SETD2: variants seen among roughly 807,000 people sequenced by gnomAD.
The protein encoded by SETD2 is histone-lysine N-methyltransferase SETD2.
In SETD2, 31 loss-of-function variants were observed where a neutral mutation model predicts 242.1. The observed-to-expected ratio is 0.13, with a 90% confidence interval of 0.10 to 0.17. SETD2 has a LOEUF of 0.17. SETD2 is among the 10% of genes least tolerant of loss of function. The probability of loss-of-function intolerance (pLI) is 1.00; values close to 1 mark genes in which losing one functional copy is unlikely to be tolerated. For missense variants in SETD2, 2,481 were observed against 3,046.3 expected (o/e 0.81, Z 4.37); for synonymous variants, 1,006 against 1,066.5 (o/e 0.94, Z 1.11).
chr3:47,051,561 C>T (rs780470360), intron 15 of SETD2, among the ~76,000 whole-genome samples: 5 of 152,144 alleles, frequency 3.3e-5, no homozygotes, highest in Non-Finnish European at 7.3e-5. Flanking sequence ...TAAAGCTCCC[C>T]CTAAGACCCT....
In SETD2 at chr3:47,122,715, T is replaced by C; in HGVS notation, c.1921A>G (p.Ile641Val). Reference sequence around the variant, plus strand: ...ATACTATCATGGCTATCATGTGTTATAAATTCGGACTTAAAAATAGGCAAT... The same window carrying C: ...ATACTATCATGGCTATCATGTGTTACAAATTCGGACTTAAAAATAGGCAAT... ...DELPIFKSEF[I>V]THDSHDSIKE... Residue 641 changes from isoleucine to valine, a missense_variant, in exon 3 of 21, where the codon ATA becomes GTA. Physicochemically the swap from Ile to Val is conservative, Grantham distance 29. Around this residue, in one of 17 missense-constraint regions of SETD2, gnomAD observed 1,300 missense variants for 1,259.2 expected, o/e 1.03. Coordinates refer to ENST00000409792, the MANE Select transcript of SETD2 (RefSeq NM_014159.7). The C allele has an allele frequency of 6.2e-7, 1 of 1,611,704 alleles. No homozygotes were observed.
intron 8 of SETD2, chr3:47,098,303 A>C (rs1224827784): frequency 2.9e-6 from 1 of 339,572 alleles, no homozygotes; most frequent in Non-Finnish European, 5.4e-6. Context: ...GGGAGACAAA[A>C]CTAGCCAAGA....
chr3:47,155,706 T>G (rs1286258832), intron 1 of SETD2, among the ~76,000 whole-genome samples: 1 of 152,118 alleles, frequency 6.6e-6, no homozygotes, highest in Admixed American at 6.6e-5. Context: ...CTCAGGACAC[T>G]GAGGTGGGAG....
At chr3:47,067,713 T>A (rs1253170083) in intron 12 of SETD2, among the ~76,000 whole-genome samples, 1 of 152,098 alleles carries the variant, frequency 6.6e-6, no homozygotes. Flanking sequence ...CCTGGCCAAG[T>A]ATTCATAATT....
At chr3:47,063,825 A>C (rs529322987) in intron 13 of SETD2, among the ~76,000 whole-genome samples, 2 of 152,210 alleles carry the variant, frequency 1.3e-5, no homozygotes, top group Non-Finnish European at 2.9e-5. Flanking sequence ...TCTACTAAAA[A>C]TACAAAAATT....
chr3:47,154,802 G>A (rs1347399440), intron 1 of SETD2, among the ~76,000 whole-genome samples: 3 of 152,038 alleles, frequency 2.0e-5, no homozygotes, highest in Non-Finnish European at 4.4e-5. Flanking sequence ...GACCATCCTG[G>A]CTAACATGGT....
chr3:47,104,647 T>A (rs1274792491), intron 6 of SETD2, among the ~76,000 whole-genome samples: 1 of 152,242 alleles, frequency 6.6e-6, no homozygotes, highest in African/African-American at 2.4e-5. Context: ...ACAGGTTCTT[T>A]GAAACTGCAA....
In SETD2 at chr3:47,121,769, C is replaced by T. The variant is rs774041503; in HGVS notation, c.2867G>A (p.Gly956Glu). 5 of 1,614,014 alleles carry T rather than the reference C, an allele frequency of 3.1e-6. No homozygotes were observed. In the African/African-American group the frequency reaches 6.7e-5, roughly 22 times the overall value. Residue 956 changes from glycine to glutamate, a missense_variant, in exon 3 of 21, where the codon GGG (glycine) becomes GAG (glutamate). Around this residue, in one of 17 missense-constraint regions of SETD2, gnomAD observed 1,300 missense variants for 1,259.2 expected, o/e 1.03. Coordinates refer to ENST00000409792, the MANE Select transcript of SETD2 (RefSeq NM_014159.7). ...RENRRNNGLS[G>E]KCLQEAQEEG... is the part of the protein sequence containing the mutation. Reference sequence around the variant, plus strand: ...TTCTTGAGCCTCTTGCAAACATTTCCCAGATAACCCATTATTACGCCTGTT... The same window carrying T: ...TTCTTGAGCCTCTTGCAAACATTTCTCAGATAACCCATTATTACGCCTGTT...
chr3:47,134,803 T>C lies in SETD2; in HGVS notation c.72-8140A>G, dbSNP rs147663331. 3.3e-3 allele frequency among the ~76,000 whole-genome samples: 495 copies of C among 152,246 alleles called. 3 individuals carry two copies. The highest frequency in any genetic ancestry group is 0.011 in the African/African-American group (463 of 41,556). On this transcript the variant is annotated intron_variant, in intron 1 of 20. Coordinates refer to ENST00000409792, the MANE Select transcript of SETD2 (RefSeq NM_014159.7). ...CACACATGGCTGATTTTTGTATTTT[T>C]AGTAGAGACAGGGTTTCACCATGTC...
At chr3:47,087,600 A>G (rs1476075599) in intron 10 of SETD2, among the ~76,000 whole-genome samples, 1 of 152,166 alleles carries the variant, frequency 6.6e-6, no homozygotes, top group Non-Finnish European at 1.5e-5. Context: ...ATTAAATGAT[A>G]CTGAACTCTT....
chr3:47,125,472 C>A (rs960233941), intron 2 of SETD2, among the ~76,000 whole-genome samples: 4 of 151,606 alleles, frequency 2.6e-5, no homozygotes, highest in Non-Finnish European at 4.4e-5. Context: ...TTAAAAAAAA[C>A]AAACAAACAA....
At chr3:47,133,030 A>G (rs1239105001) in intron 1 of SETD2, among the ~76,000 whole-genome samples, 1 of 152,210 alleles carries the variant, frequency 6.6e-6, no homozygotes, top group East Asian at 1.9e-4. Flanking sequence ...TTTTTAGGAA[A>G]TACATATTTG....
chr3:47,021,351 C>T lies in SETD2; in HGVS notation c.7351-1511G>A, dbSNP rs75105101. 2.5e-3 allele frequency among the ~76,000 whole-genome samples: 376 copies of T among 152,162 alleles called. 2 individuals are homozygous for T. Among genetic ancestry groups the T allele is most frequent in the African/African-American group, 8.3e-3 (346 of 41,496 alleles). On this transcript the variant is annotated intron_variant, in intron 18 of 20. Transcript: ENST00000409792. The stretch of plus-strand genomic sequence containing the variant: ...CCTATAGAAGAGGCCATGCTCTCAG[C>T]GAGGGTACTATGTAAATAGAAATGT...
At chr3:47,044,213 T>G (rs1458194766) in intron 16 of SETD2, among the ~76,000 whole-genome samples, 1 of 151,084 alleles carries the variant, frequency 6.6e-6, no homozygotes, top group Non-Finnish European at 1.5e-5. Context: ...TGTGGTGGTG[T>G]GCACTTGTAA....
chr3:47,109,713 C>T (rs919273627), intron 5 of SETD2, among the ~76,000 whole-genome samples: 5 of 152,112 alleles, frequency 3.3e-5, no homozygotes, highest in African/African-American at 9.6e-5. Context: ...CGGCCAGCCA[C>T]GGTGGCTTAC....
At chr3:47,108,530 C>T (rs1002430912) in intron 5 of SETD2, among the ~76,000 whole-genome samples, 27 of 152,144 alleles carry the variant, frequency 1.8e-4, no homozygotes, top group African/African-American at 5.8e-4. Flanking sequence ...TATAAAGATG[C>T]TTTCTTGAAT....
intron 14 of SETD2, among the ~76,000 whole-genome samples, chr3:47,061,935 C>A (rs1485325442): frequency 6.6e-6 from 1 of 152,152 alleles, no homozygotes; most frequent in Non-Finnish European, 1.5e-5. Flanking sequence ...TAAATATTAT[C>A]AAATAGGAGC....
At chr3:47,160,520 G>T (rs1336513573) in intron 1 of SETD2, among the ~76,000 whole-genome samples, 2 of 151,040 alleles carry the variant, frequency 1.3e-5, no homozygotes, top group Non-Finnish European at 2.9e-5. Context: ...ATCTTGGCCA[G>T]GCTGGTCTCC....
At chr3:47,067,013 C>T (rs573782431) in intron 13 of SETD2, 57 bp downstream of exon 13, 2 of 1,315,452 alleles carry the variant, frequency 1.5e-6, no homozygotes, top group African/African-American at 1.5e-5. Context: ...GTTACCTCTG[C>T]ACATAACAAA....
Sources: gnomAD v4.1 joint callset for allele counts (sites outside exome capture counted in the v4.1 genomes callset) on GRCh38, gnomAD v4.1.1 for gene constraint, gnomAD v4.1.1 regional missense constraint, MANE v1.5 for transcripts, NCBI Gene and HGNC (gene_info 2026-07-23, HGNC 2026-07-21) for gene names.